Variants in C3 observed in about 807,000 individuals in gnomAD.
C3 encodes the protein C3 and PZP-like alpha-2-macroglobulin domain-containing protein 1.
C3 carries 97 observed loss-of-function variants against 207.9 expected under a neutral mutation model. The ratio of observed to expected loss-of-function variants is 0.47; its 90% confidence interval spans 0.40 to 0.55. The LOEUF (loss-of-function observed/expected upper bound fraction) is 0.55. C3 is among the 20% of genes least tolerant of loss of function. The pLI is 0.00. For missense variants in C3, 1,684 were observed against 2,171.7 expected, an observed-to-expected ratio of 0.78 and a Z score of 4.46; for synonymous variants, 848 against 857.6, an observed-to-expected ratio of 0.99 and a Z score of 0.20.
At chr19:6,713,746 T>TG (rs2145431521) in intron 7 of C3, 1 of 181,800 alleles carries the variant, frequency 5.5e-6, no homozygotes, top group Admixed American at 9.4e-5. Context: ...CCCCCCACCT[T>TG]CCCCACTCCC....
At chr19:6,694,318 A>G in intron 24 of C3, 113 bp downstream of exon 24, 3 of 905,680 alleles carry the variant, frequency 3.3e-6, no homozygotes, top group Non-Finnish European at 5.3e-6. Context: ...AGTGGCTAGG[A>G]GAGAAGGTGG....
At chr19:6,694,336 G>T in intron 24 of C3, 95 bp downstream of exon 24, 2 of 1,103,800 alleles carry the variant, frequency 1.8e-6, no homozygotes, top group South Asian at 1.3e-5. Context: ...TGGAGCCTCA[G>T]GGGAGGGCGT....
intron 27 of C3, 108 bp from the exon 28 acceptor site, chr19:6,687,010 C>T: frequency 8.6e-7 from 1 of 1,162,084 alleles, no homozygotes; most frequent in Non-Finnish European, 1.3e-6. Flanking sequence ...GTCCTTGGGA[C>T]ACACCTGTCT....
At chr19:6,679,276 G>C in intron 37 of C3, 68 bp from the exon 38 acceptor site, 1 of 1,496,132 alleles carries the variant, frequency 6.7e-7, no homozygotes, top group South Asian at 1.1e-5. Context: ...CCATGGGTGT[G>C]GCCAGCCCTG....
In C3 at chr19:6,720,582, G is replaced by A. The variant is rs770131369; in HGVS notation, c.8C>T (p.Pro3Leu). 2 of 1,579,430 alleles carry A rather than the reference G, an allele frequency of 1.3e-6. No homozygotes were observed. Among genetic ancestry groups the A allele is most frequent in the Non-Finnish European group, 1.7e-6 (2 of 1,162,262 alleles). The part of the protein sequence containing the change: MG[P>L]TSGPSLLLLL... The stretch of plus-strand genomic sequence containing the variant: ...GAGCAGCAGGCTGGGACCTGAGGTG[G>A]GTCCCATGGTGCTGGGACAGTGCAG... Residue 3 changes from proline (P) to leucine (L), a missense_variant, in exon 1 of 41, where the codon CCC becomes CTC. By Grantham distance (98) the Pro-to-Leu change is moderately conservative. Coordinates refer to ENST00000245907, the MANE Select transcript of C3 (RefSeq NM_000064.4).
In C3 at chr19:6,719,352, C is replaced by A; in HGVS notation, c.126G>T (p.Met42Ile). ...NILRLESEET[M>I]VLEAHDAQGD... ...CTTGCGCGTCGTGGGCCTCCAGCAC[C>A]ATGGTCTCCTCGCTCTCCAGCCGCA... The change falls in exon 2 of 41, where the codon ATG becomes ATT. Residue 42 changes from methionine to isoleucine, a missense_variant. This residue lies in a region of C3 where 58 missense variants were observed against 52.5 expected (regional missense o/e 1.10). Coordinates refer to ENST00000245907, the MANE Select transcript of C3 (RefSeq NM_000064.4). The surrounding 1 kb of genome is among the most constrained non-coding windows in gnomAD (Gnocchi z 5.4). 6.2e-7 allele frequency: 1 copy of A among 1,614,004 alleles called. No individual in the cohort carries two copies. Among genetic ancestry groups the A allele is most frequent in the Non-Finnish European group, 8.5e-7 (1 of 1,179,962 alleles).
At chr19:6,716,046 G>A (rs1181197412) in intron 4 of C3, among the ~76,000 whole-genome samples, 1 of 152,102 alleles carries the variant, frequency 6.6e-6, no homozygotes, top group Non-Finnish European at 1.5e-5. Flanking sequence ...GAGATGTGTG[G>A]TCTCTGTTCC....
In C3 at chr19:6,719,077, A is replaced by AC. The variant is rs1433495596; in HGVS notation, c.267+133dup. The AC allele has an allele frequency of 1.2e-5, 9 of 779,082 alleles. No individual in the cohort carries two copies. The highest frequency in any genetic ancestry group is 1.5e-5 in the Non-Finnish European group (7 of 453,126). The allele number at this position is 779,082 out of a possible 1,614,324, so 48.3% of individuals were successfully genotyped here. ...AGGGAGGGGCTTAGAAGGAGAGGCGACTCCGAAGGGGTGGAGTCTCAGGGA... is the reference window on the plus strand; with the variant it reads ...AGGGAGGGGCTTAGAAGGAGAGGCGACCTCCGAAGGGGTGGAGTCTCAGGGA... On this transcript the variant is annotated intron_variant, in intron 2 of 40. Coordinates refer to ENST00000245907, the MANE Select transcript of C3 (RefSeq NM_000064.4). This position sits in a 1 kb window ranked among gnomAD's most constrained non-coding sequence, Gnocchi z 5.4.
intron 11 of C3, 68 bp downstream of exon 11, chr19:6,712,189 T>A: frequency 6.3e-7 from 1 of 1,592,044 alleles, no homozygotes. Context: ...AGGACCCCAC[T>A]GTGCAAACAC....
At chr19:6,700,274 C>T (rs1472967191) in intron 19 of C3, among the ~76,000 whole-genome samples, 26 of 58,768 alleles carry the variant, frequency 4.4e-4, no homozygotes, top group African/African-American at 2.6e-3. Context: ...TAATATGCAA[C>T]ATATAACATA....
chr19:6,678,933 G>A (rs1017157400), intron 38 of C3, among the ~76,000 whole-genome samples, 192 bp downstream of exon 38: 1 of 151,878 alleles, frequency 6.6e-6, no homozygotes, highest in Non-Finnish European at 1.5e-5. Context: ...TTTCTCACAT[G>A]AGCATACCTA....
Position 6,711,098 on chromosome 19 carries a change from C to G in C3, c.1368G>C (p.Leu456=). Residue 456 remains leucine, a synonymous_variant, in exon 12 of 41, where the codon CTG becomes CTC. Transcript: ENST00000245907. The stretch of plus-strand genomic sequence containing the variant: ...GCTCTGTACGTAGCACTGAGAGATG[C>G]AGGTAATTGTTGGAGTTGCCCACGG... The part of the protein sequence containing the change: ...YSTVGNSNNY[L]HLSVLRTELR... 6.2e-7 allele frequency: 1 copy of G among 1,614,070 alleles called. No homozygotes were observed. The highest frequency in any genetic ancestry group is 8.5e-7 in the Non-Finnish European group (1 of 1,180,002).
At chr19:6,687,760 G>A (rs1021760464) in intron 27 of C3, among the ~76,000 whole-genome samples, 1 of 152,144 alleles carries the variant, frequency 6.6e-6, no homozygotes, top group Admixed American at 6.6e-5. Context: ...AGGAAGCGAT[G>A]AGTTTGAGTG....
chr19:6,719,511 G>T lies in C3; in HGVS notation c.75-108C>A, dbSNP rs772350030. On this transcript the variant is annotated intron_variant, in intron 1 of 40. Coordinates refer to ENST00000245907, the MANE Select transcript of C3 (RefSeq NM_000064.4). This position sits in a 1 kb window ranked among gnomAD's most constrained non-coding sequence, Gnocchi z 5.4. Reference sequence around the variant, plus strand: ...CTGTGTGCCCCAGCCTCTGGTCCTGGAGAGGATCCAGTGACTGCCGGCGCA... The same window carrying T: ...CTGTGTGCCCCAGCCTCTGGTCCTGTAGAGGATCCAGTGACTGCCGGCGCA... 5 of 1,017,274 alleles carry T rather than the reference G, an allele frequency of 4.9e-6. No homozygotes were observed. The highest frequency in any genetic ancestry group is 7.5e-6 in the Non-Finnish European group (5 of 667,400). The allele number at this position is 1,017,274 out of a possible 1,614,324, so 63.0% of individuals were successfully genotyped here. A position where few individuals can be genotyped will look rare whatever the true frequency, so the allele number is the denominator to read the frequency against.
chr19:6,706,798 TCCTCAGACGGGGACCTCCTCCCC>T (rs1198373220), intron 17 of C3, among the ~76,000 whole-genome samples: 9 of 89,538 alleles, frequency 1.0e-4, no homozygotes, highest in East Asian at 3.7e-4. Flanking sequence ...GCCTCCTCCC[TCCTCAGACGGGGACCTCCTCCCC>T]CCTCAAGGCC....
intron 24 of C3, 58 bp from the exon 25 acceptor site, chr19:6,693,545 C>A: frequency 2.0e-6 from 3 of 1,486,756 alleles, no homozygotes; most frequent in Non-Finnish European, 9.2e-7. Flanking sequence ...GGGGGCACGC[C>A]AGAAAGGGCA....
At chr19:6,687,949 C>T (rs1426834992) in intron 27 of C3, among the ~76,000 whole-genome samples, 3 of 151,258 alleles carry the variant, frequency 2.0e-5, no homozygotes, top group South Asian at 2.1e-4. Flanking sequence ...CTCCGCCTCT[C>T]GGGTTCAAGT....
At position 6,680,174 on chromosome 19, in the gene C3, G is replaced by C; in HGVS notation, c.4440C>G (p.Tyr1480Ter). The C allele has an allele frequency of 6.2e-7, 1 of 1,609,962 alleles. No individual in the cohort carries two copies. Among genetic ancestry groups the C allele is most frequent in the Non-Finnish European group, 8.5e-7 (1 of 1,176,256 alleles). Residue 1480 changes from tyrosine to a stop codon, truncating the protein, a stop_gained, in exon 36 of 41, where the codon TAC (tyrosine) becomes TAG (stop). Transcript: ENST00000245907. LOFTEE classifies it high-confidence loss of function. Reference protein sequence around the residue: ...ELIQPGAVKVYAYYNLEESCT... With the variant: ...ELIQPGAVKV Reference sequence around the variant, plus strand: ...GCTGCTCACCCAGGTTGTAATAGGCGTAGACCTTGACTGCTCCAGGCTGGA... The same window carrying C: ...GCTGCTCACCCAGGTTGTAATAGGCCTAGACCTTGACTGCTCCAGGCTGGA...
At position 6,707,299 on chromosome 19, in the gene C3, C is replaced by T. The variant is rs545074495; in HGVS notation, c.2048-26G>A. ...CTGCGGGAGCACGTGTTCCCCCAGG[C>T]CACACCCTCAGCCGGGGGCCGGCAG... On this transcript the variant is annotated intron_variant, in intron 16 of 40. Coordinates refer to ENST00000245907, the MANE Select transcript of C3 (RefSeq NM_000064.4). 79 of 1,603,876 alleles carry T rather than the reference C, an allele frequency of 4.9e-5. 1 individual carries two copies. The East Asian group carries it at 1.7e-3, about 35-fold the overall frequency.
Sources: gnomAD v4.1 joint callset for allele counts (sites outside exome capture counted in the v4.1 genomes callset) on GRCh38, gnomAD v4.1.1 for gene constraint, gnomAD v4.1.1 regional missense constraint, Gnocchi (gnomAD v3.1) non-coding constraint, MANE v1.5 for transcripts, NCBI Gene and HGNC (gene_info 2026-07-23, HGNC 2026-07-21) for gene names.